Variants in PRDM11 observed in about 807,000 individuals in gnomAD.
PRDM11 encodes PR/SET domain 11.
PRDM11 carries 20 observed loss-of-function variants against 97.8 expected under a neutral mutation model. That is an observed-to-expected ratio of 0.20 (90% CI 0.14 to 0.30). The LOEUF is 0.30. Among genes scored for constraint, PRDM11 ranks in the 10% least tolerant of loss-of-function variants. The probability of loss-of-function intolerance (pLI) is 1.00; values close to 1 mark genes in which losing one functional copy is unlikely to be tolerated. For missense variants in PRDM11, 1,139 were observed against 1,555.2 expected (o/e 0.73, Z 4.50); for synonymous variants, 599 against 637.7 (o/e 0.94, Z 0.91).
intron 1 of PRDM11, among the ~76,000 whole-genome samples, chr11:45,100,600 C>A (rs1851956416): frequency 6.6e-6 from 1 of 152,204 alleles, no homozygotes; most frequent in Admixed American, 6.5e-5. Flanking sequence ...CCCTGAGCAG[C>A]AGCCCTCTCC....
intron 4 of PRDM11, among the ~76,000 whole-genome samples, chr11:45,196,227 C>T (rs79429338): frequency 0.019 from 2,953 of 152,168 alleles, 42 homozygotes; most frequent in Non-Finnish European, 0.03. Flanking sequence ...GAAGTGATAC[C>T]TCATTGTGAA....
chr11:45,103,700 T>C (rs546660717), intron 1 of PRDM11, among the ~76,000 whole-genome samples: 24 of 148,702 alleles, frequency 1.6e-4, no homozygotes, highest in Non-Finnish European at 1.9e-4. Context: ...CTTTACTGTA[T>C]ATATAATATA....
chr11:45,216,814 T>C (rs755908703), intron 5 of PRDM11, among the ~76,000 whole-genome samples: 2 of 152,234 alleles, frequency 1.3e-5, no homozygotes, highest in Non-Finnish European at 2.9e-5. Flanking sequence ...GAAAGTTAAA[T>C]TGACTTGAGT....
chr11:45,183,384 A>G (rs1441010124), intron 4 of PRDM11, among the ~76,000 whole-genome samples: 3 of 152,176 alleles, frequency 2.0e-5, no homozygotes, highest in African/African-American at 4.8e-5. Context: ...CAATTTCCCC[A>G]TGAATCCTCA....
chr11:45,101,588 G>GAAGAAT, intron 1 of PRDM11, among the ~76,000 whole-genome samples: 1 of 151,182 alleles, frequency 6.6e-6, no homozygotes, highest in Admixed American at 6.6e-5. Context: ...AGAAGAAGAA[G>GAAGAAT]AAGAAGAAGA....
chr11:45,204,913 T>G, intron 5 of PRDM11, 135 bp downstream of exon 5: 61 of 860,386 alleles, frequency 7.1e-5, no homozygotes, highest in Non-Finnish European at 1.1e-4. Context: ...TGGATGCATC[T>G]AGCTCTGAAG....
intron 1 of PRDM11, among the ~76,000 whole-genome samples, chr11:45,156,397 C>T (rs1209463591): frequency 1.3e-5 from 2 of 152,214 alleles, no homozygotes; most frequent in Non-Finnish European, 2.9e-5. Flanking sequence ...ACACACCTGA[C>T]TCTTGATGGG....
rs1377055722 is a variant in PRDM11 at position 45,213,003 on chromosome 11, C to A, written c.555-6567C>A. The A allele has an allele frequency of 2.7e-5, 11 of 404,004 alleles. No individual in the cohort carries two copies. The Admixed American group carries it at 2.8e-4, about 10-fold the overall frequency. 25.0% of individuals were successfully genotyped at this position (404,004 alleles called of 1,614,324 possible). A position where few individuals can be genotyped will look rare whatever the true frequency, so the allele number is the denominator to read the frequency against. On this transcript the variant is annotated intron_variant, in intron 5 of 7. Transcript: ENST00000683152. ...CCAGCTTCCCCAGCATCAGCCCCCA[C>A]ACGGACTACCAGGTCTCGGAAGAGA... is the stretch of plus-strand genomic sequence containing the variant.
chr11:45,227,176 G>A lies in PRDM11; in HGVS notation c.2551G>A (p.Glu851Lys). The A allele has an allele frequency of 6.5e-7, 1 of 1,533,990 alleles. No homozygotes were observed. Among genetic ancestry groups the A allele is most frequent in the South Asian group, 1.2e-5 (1 of 83,970 alleles). ...DYLEVVAHLK[E>K]VSSQTQRADA... is the part of the protein sequence containing the mutation. ...CCTGGAGGTGGTGGCCCATCTCAAG[G>A]AGGTCAGCAGCCAGACCCAGCGGGC... The change falls in exon 8 of 8, where the codon GAG becomes AAG. Residue 851 changes from glutamate to lysine, a missense_variant. By Grantham distance (56) the Glu-to-Lys change is moderately conservative. Around this residue, in one of 2 missense-constraint regions of PRDM11, gnomAD observed 710 missense variants for 1,044.9 expected, o/e 0.68. Coordinates refer to ENST00000683152, the MANE Select transcript of PRDM11 (RefSeq NM_001384648.1). This position sits in a 1 kb window ranked among gnomAD's most constrained non-coding sequence, Gnocchi z 8.0.
At chr11:45,109,524 C>G (rs887342712) in intron 1 of PRDM11, among the ~76,000 whole-genome samples, 1 of 152,132 alleles carries the variant, frequency 6.6e-6, no homozygotes, top group African/African-American at 2.4e-5. Context: ...GGAGACCACT[C>G]GGAGGAGCCC....
Position 45,226,298 on chromosome 11 carries a change from A to G in PRDM11, c.1673A>G (p.Lys558Arg), listed in dbSNP as rs1262529491. 1 of 1,533,844 alleles carries G rather than the reference A, an allele frequency of 6.5e-7. No homozygotes were observed. Among genetic ancestry groups the G allele is most frequent in the Non-Finnish European group, 8.7e-7 (1 of 1,146,734 alleles). ...AAGCAGTTTAAGATTCACACCATCA[A>G]ACTTCACAGCCAGAGCAACCTGCAC... The part of the protein sequence containing the change: ...GSKQFKIHTI[K>R]LHSQSNLHKK... Residue 558 changes from lysine (K) to arginine (R), a missense_variant, in exon 8 of 8, where the codon AAA becomes AGA. This residue lies in a region of PRDM11 where 710 missense variants were observed against 1,044.9 expected (regional missense o/e 0.68). Transcript: ENST00000683152.
intron 1 of PRDM11, among the ~76,000 whole-genome samples, chr11:45,131,270 C>T (rs1474508256): frequency 1.3e-5 from 2 of 152,094 alleles, no homozygotes; most frequent in African/African-American, 2.4e-5. Flanking sequence ...AAATGATTCC[C>T]CCATGACTCG....
At chr11:45,168,280 C>A (rs1852116742) in intron 1 of PRDM11, among the ~76,000 whole-genome samples, 1 of 152,244 alleles carries the variant, frequency 6.6e-6, no homozygotes, top group African/African-American at 2.4e-5. Flanking sequence ...GCCCCTCCAT[C>A]TACAAGCCTT....
At chr11:45,195,681 C>T (rs11038348) in intron 4 of PRDM11, among the ~76,000 whole-genome samples, 15,985 of 152,000 alleles carry the variant, frequency 0.11, 1,172 homozygotes, top group Admixed American at 0.25. Flanking sequence ...TCAAGTGATC[C>T]TCCTGCCTCA....
intron 1 of PRDM11, among the ~76,000 whole-genome samples, chr11:45,105,327 A>G (rs1377576089): frequency 2.0e-5 from 3 of 152,192 alleles, no homozygotes; most frequent in African/African-American, 2.4e-5. Flanking sequence ...ATAGCACCCC[A>G]TGACCTACCT....
intron 1 of PRDM11, among the ~76,000 whole-genome samples, chr11:45,141,103 C>A: frequency 6.6e-6 from 1 of 152,238 alleles, no homozygotes; most frequent in Non-Finnish European, 1.5e-5. Context: ...TGGCTCTCAG[C>A]TGATATCTGG....
chr11:45,182,766 A>T (rs1384307868), intron 3 of PRDM11, 95 bp from the exon 4 acceptor site: 7 of 1,404,954 alleles, frequency 5.0e-6, no homozygotes, highest in Non-Finnish European at 6.8e-6. Context: ...CTGGCTGTCC[A>T]TGAGTGGGCC....
chr11:45,225,123 T>C, intron 7 of PRDM11: 1 of 1,413,678 alleles, frequency 7.1e-7, no homozygotes, highest in South Asian at 1.6e-5. Context: ...ACCCGTTGCC[T>C]TTCTCTGGTA....
chr11:45,144,915 G>A (rs1003188065), upstream of PRDM11, among the ~76,000 whole-genome samples: 1 of 152,174 alleles, frequency 6.6e-6, no homozygotes, highest in Non-Finnish European at 1.5e-5. Context: ...TTATCTGCGA[G>A]TGCCTTCATC....
Sources: gnomAD v4.1 joint callset for allele counts (sites outside exome capture counted in the v4.1 genomes callset) on GRCh38, gnomAD v4.1.1 for gene constraint, gnomAD v4.1.1 regional missense constraint, Gnocchi (gnomAD v3.1) non-coding constraint, MANE v1.5 for transcripts, NCBI Gene and HGNC (gene_info 2026-07-23, HGNC 2026-07-21) for gene names.